The following PRKAR1A variants were observed in gnomAD, a reference collection of about 807,000 sequenced individuals.
PRKAR1A encodes the protein cAMP-dependent protein kinase type I-alpha regulatory subunit.
In PRKAR1A, 3 loss-of-function variants were observed where a neutral mutation model predicts 52.0. The observed-to-expected ratio is 0.06, with a 90% CI of 0.03 to 0.15. The LOEUF is 0.15. PRKAR1A is among the 10% of genes least tolerant of loss of function. The pLI, the probability that PRKAR1A is intolerant of heterozygous loss-of-function variation, is 1.00. For synonymous variants in PRKAR1A, 188 were observed against 168.4 expected (o/e 1.12, Z -0.90); for missense variants, 240 against 477.4 (o/e 0.50, Z 4.63).
chr17:68,540,932 T>A, intron 11 of PRKAR1A: 1 of 1,597,886 alleles, frequency 6.3e-7, no homozygotes, highest in South Asian at 1.1e-5. Flanking sequence ...TTTCACTGTG[T>A]CACAGTAAAG....
At chr17:68,535,935 C>G (rs927355177), downstream of PRKAR1A, 1 of 454,008 alleles carries the variant, frequency 2.2e-6, no homozygotes, top group Non-Finnish European at 4.4e-6. Flanking sequence ...TGCTTACTCT[C>G]TCTGAGATTT....
downstream of PRKAR1A, chr17:68,537,294 G>C (rs1309609163): frequency 3.8e-6 from 3 of 798,958 alleles, no homozygotes; most frequent in African/African-American, 3.4e-5. The surrounding 1 kb of genome is among the most constrained non-coding windows in gnomAD (Gnocchi z 4.2). Flanking sequence ...CGACAGAAGC[G>C]GTGCACCAAG....
chr17:68,458,884 T>A, the PRKAR1A span, among the ~76,000 whole-genome samples: 62 of 152,354 alleles, frequency 4.1e-4, no homozygotes, highest in African/African-American at 1.4e-3. Flanking sequence ...AATTGCGGTT[T>A]TCCCCATTTC....
intron 8 of PRKAR1A, 142 bp from the exon 9 acceptor site, chr17:68,528,728 A>AG: frequency 1.8e-6 from 2 of 1,106,854 alleles, no homozygotes; most frequent in South Asian, 2.7e-5. Context: ...AGGTAATTGA[A>AG]GACAGGTACC....
the PRKAR1A span, among the ~76,000 whole-genome samples, chr17:68,469,094 C>G: frequency 1.3e-5 from 2 of 152,130 alleles, no homozygotes; most frequent in African/African-American, 4.8e-5. Flanking sequence ...TTGAAAGAGT[C>G]CTGCTTCAGT....
rs2085658068 is a variant in PRKAR1A, at chr17:68,522,801, A to G, written c.223A>G (p.Thr75Ala). ...IQNLQKAGTR[T>A]DSREDEISPP... ...GAATCTGCAGAAAGCAGGCACTCGT[A>G]CAGACTCAAGGGAGGATGAGATTTC... Residue 75 changes from threonine to alanine, a missense_variant, in exon 3 of 11, where the codon ACA becomes GCA. This residue lies in a region of PRKAR1A where 107 missense variants were observed against 114.6 expected (regional missense o/e 0.93). Coordinates refer to ENST00000589228, the MANE Select transcript of PRKAR1A (RefSeq NM_002734.5). The G allele has an allele frequency of 1.2e-6, 2 of 1,614,162 alleles. No homozygotes were observed. Among genetic ancestry groups the G allele is most frequent in the East Asian group, 2.2e-5 (1 of 44,884 alleles).
chr17:68,506,042 T>C, the PRKAR1A span, among the ~76,000 whole-genome samples: 3 of 152,234 alleles, frequency 2.0e-5, no homozygotes, highest in African/African-American at 7.2e-5. Flanking sequence ...TTCATAAATT[T>C]TTATCAGAAG....
upstream of PRKAR1A, among the ~76,000 whole-genome samples, chr17:68,508,827 T>TC (rs1199830837): frequency 6.6e-6 from 1 of 152,182 alleles, no homozygotes; most frequent in Non-Finnish European, 1.5e-5. Context: ...TAAACACCCC[T>TC]CCTTAGTTTA....
downstream of PRKAR1A, chr17:68,536,835 C>T (rs1361777462): frequency 1.3e-5 from 6 of 454,080 alleles, no homozygotes; most frequent in East Asian, 4.2e-4. Flanking sequence ...TTGGAACACT[C>T]CTTTTCTGAT....
intron 11 of PRKAR1A, chr17:68,542,251 G>C: frequency 7.0e-7 from 1 of 1,438,818 alleles, no homozygotes; most frequent in Admixed American, 1.8e-5. Flanking sequence ...CACTGGGAGG[G>C]AAGGGAAACC....
the PRKAR1A span, chr17:68,444,726 A>C: frequency 3.1e-6 from 2 of 641,142 alleles, no homozygotes; most frequent in Non-Finnish European, 5.2e-6. Flanking sequence ...CATTTTGAAG[A>C]TTGTGTTTAT....
At chr17:68,522,392 C>T (rs2085639506) in intron 2 of PRKAR1A, among the ~76,000 whole-genome samples, 1 of 152,190 alleles carries the variant, frequency 6.6e-6, no homozygotes, top group African/African-American at 2.4e-5. Flanking sequence ...TCCAAAAAAA[C>T]CCAATTTTCA....
At chr17:68,472,261 C>T in the PRKAR1A span, among the ~76,000 whole-genome samples, 1 of 152,156 alleles carries the variant, frequency 6.6e-6, no homozygotes, top group Non-Finnish European at 1.5e-5. Context: ...CTTGCTAACT[C>T]CCCCAGCCTC....
chr17:68,514,670 A>C (rs1434211524), intron 1 of PRKAR1A, among the ~76,000 whole-genome samples: 1 of 152,232 alleles, frequency 6.6e-6, no homozygotes, highest in Non-Finnish European at 1.5e-5. Flanking sequence ...ATATTTTGAC[A>C]ATTTTCTGTC....
the PRKAR1A span, among the ~76,000 whole-genome samples, chr17:68,456,269 A>G: frequency 1.3e-5 from 2 of 152,270 alleles, no homozygotes; most frequent in Admixed American, 6.5e-5. Flanking sequence ...GTGTTTTTAA[A>G]CAGAAACATA....
the PRKAR1A span, among the ~76,000 whole-genome samples, chr17:68,490,608 G>C: frequency 6.6e-6 from 1 of 151,928 alleles, no homozygotes; most frequent in African/African-American, 2.4e-5. Context: ...TTTTCTTAAG[G>C]TTTGGGGTAA....
At chr17:68,487,773 C>T in the PRKAR1A span, among the ~76,000 whole-genome samples, 1 of 148,994 alleles carries the variant, frequency 6.7e-6, no homozygotes, top group Non-Finnish European at 1.5e-5. Context: ...GCACTCCAGC[C>T]TGGGCGACAG....
intron 11 of PRKAR1A, chr17:68,540,659 C>A (rs987560707): frequency 1.3e-5 from 10 of 745,110 alleles, no homozygotes; most frequent in Non-Finnish European, 2.3e-5. Context: ...TGAGCTTCTT[C>A]CAGTTCTTTG....
chr17:68,539,884 C>T, intron 11 of PRKAR1A: 4 of 1,614,016 alleles, frequency 2.5e-6, no homozygotes, highest in Non-Finnish European at 3.4e-6. Context: ...GGGAAGCTCA[C>T]CCTCTGGCGT....
Sources: gnomAD v4.1 joint callset for allele counts (sites outside exome capture counted in the v4.1 genomes callset) on GRCh38, gnomAD v4.1.1 for gene constraint, gnomAD v4.1.1 regional missense constraint, Gnocchi (gnomAD v3.1) non-coding constraint, MANE v1.5 for transcripts, NCBI Gene and HGNC (gene_info 2026-07-23, HGNC 2026-07-21) for gene names.